RABL3: variants seen among roughly 807,000 people sequenced by gnomAD.
RABL3 encodes the protein RAB, member of RAS oncogene family like 3, also known as rab-like protein 3.
A neutral mutation model predicts 31.8 loss-of-function variants in RABL3; 31 were observed. That is an observed-to-expected ratio of 0.97 (90% CI 0.73 to 1.31). The LOEUF (loss-of-function observed/expected upper bound fraction) is 1.31. RABL3 is among the 40% of genes most tolerant of loss of function. The pLI, the probability that RABL3 is intolerant of heterozygous loss-of-function variation, is 0.00. For synonymous variants in RABL3, 97 were observed against 99.9 expected, an observed-to-expected ratio of 0.97 and a Z score of 0.18; for missense variants, 263 against 279.6, an observed-to-expected ratio of 0.94 and a Z score of 0.42.
At chr3:120,724,665 T>G (rs1360146409) in intron 2 of RABL3, among the ~76,000 whole-genome samples, 4 of 152,178 alleles carry the variant, frequency 2.6e-5, no homozygotes, top group African/African-American at 7.2e-5. Context: ...CAACATCTGA[T>G]CTTTGACAAA....
At chr3:120,720,251 A>C (rs1171931876) in intron 2 of RABL3, among the ~76,000 whole-genome samples, 2 of 152,226 alleles carry the variant, frequency 1.3e-5, no homozygotes, top group African/African-American at 4.8e-5. Flanking sequence ...AGAGCAGAAA[A>C]GCTGAAAATT....
rs114690499 is a variant in RABL3 at position 120,711,574 on chromosome 3, A to G, written c.139-1665T>C. Among the ~76,000 whole-genome samples, 142 of 152,100 alleles carry G rather than the reference A, an allele frequency of 9.3e-4. 2 individuals carry two copies. The highest frequency in any genetic ancestry group is 3.3e-3 in the African/African-American group (135 of 41,516). ...ACGCTCTTTTGCTCAAAACCCTCCA[A>G]TGACTTTCTCACTCACAGTTATCTC... On this transcript the variant is annotated intron_variant, in intron 2 of 7. Transcript: ENST00000273375.
chr3:120,713,892 C>A (rs1266209642), intron 2 of RABL3, among the ~76,000 whole-genome samples: 1 of 147,426 alleles, frequency 6.8e-6, no homozygotes, highest in Non-Finnish European at 1.5e-5. Context: ...CTCACTGCAA[C>A]CTCCGCCTCC....
Position 120,721,304 on chromosome 3 carries a change from T to C in RABL3, c.138+9392A>G, listed in dbSNP as rs146265120. 6.9e-4 allele frequency among the ~76,000 whole-genome samples: 105 copies of C among 152,242 alleles called. 1 individual carries two copies. The East Asian group carries it at 0.014, about 20-fold the overall frequency. On this transcript the variant is annotated intron_variant, in intron 2 of 7. Transcript: ENST00000273375. ...AACGAGCAAAATAACCAGCTAACAT[T>C]ATAATGACAGGATCAAATTCACACA...
chr3:120,726,921 T>G (rs1437710536), intron 2 of RABL3, among the ~76,000 whole-genome samples: 1 of 151,962 alleles, frequency 6.6e-6, no homozygotes, highest in East Asian at 1.9e-4. Context: ...GTTTGGAAAT[T>G]GAGAAGCATA....
At chr3:120,721,976 G>A (rs1708748020) in intron 2 of RABL3, 1 of 152,124 alleles carries the variant, frequency 6.6e-6, no homozygotes, top group Non-Finnish European at 1.5e-5. Context: ...ATAACAAACT[G>A]TCTCTCAGAC....
intron 3 of RABL3, among the ~76,000 whole-genome samples, chr3:120,707,737 C>T (rs186790083): frequency 2.4e-4 from 37 of 152,102 alleles, no homozygotes; most frequent in Non-Finnish European, 2.4e-4. Flanking sequence ...TTACAAAGGC[C>T]TAAGTTGGCT....
intron 2 of RABL3, chr3:120,710,342 C>A (rs79106162): frequency 0.021 from 3,271 of 153,282 alleles, 55 homozygotes; most frequent in Middle Eastern, 0.054. Flanking sequence ...TTTAAGTGTA[C>A]CTTTGGAGCT....
chr3:120,697,359 T>C (rs570810168), intron 5 of RABL3, among the ~76,000 whole-genome samples: 2 of 152,350 alleles, frequency 1.3e-5, no homozygotes, highest in South Asian at 4.1e-4. Context: ...ACCTGTCTTA[T>C]AGAGTTGATT....
Position 120,687,147 on chromosome 3 carries a change from G to C in RABL3, c.*2676C>G, listed in dbSNP as rs931043398. ...TTCCAGCTAAGTCTTATACACCTAA[G>C]GGACAGAGGAGTAGTCATATATATG... is the stretch of plus-strand genomic sequence containing the variant. On this transcript the variant is annotated 3_prime_UTR_variant, in exon 8 of 8. Transcript: ENST00000273375. 6.6e-6 allele frequency: 1 copy of C among 152,104 alleles called. No homozygotes were observed. The highest frequency in any genetic ancestry group is 1.5e-5 in the Non-Finnish European group (1 of 68,030). The allele number at this position is 152,104 out of a possible 1,614,324, so 9.4% of individuals were successfully genotyped here.
In RABL3 at chr3:120,709,136, T is replaced by A. The variant is rs192684047; in HGVS notation, c.268+644A>T. On this transcript the variant is annotated intron_variant, in intron 3 of 7. Transcript: ENST00000273375. ...AGTAAAAACAGGTTTTAAAAATGAA[T>A]TTTTAAAAAGACTAAGAAAGAAACT... 4.0e-5 allele frequency among the ~76,000 whole-genome samples: 6 copies of A among 150,822 alleles called. No homozygotes were observed. The East Asian group carries it at 1.2e-3, about 30-fold the overall frequency.
chr3:120,689,638 A>G lies in RABL3; in HGVS notation c.*185T>C. ...GACAGAAAGGTAAGGAACACAGAGA[A>G]CAGGGACAAAGTTTGGACCTCCCGT... On this transcript the variant is annotated 3_prime_UTR_variant, in exon 8 of 8. Coordinates refer to ENST00000273375, the MANE Select transcript of RABL3 (RefSeq NM_173825.5). The G allele has an allele frequency of 1.9e-6, 1 of 539,504 alleles. No individual in the cohort carries two copies. The highest frequency in any genetic ancestry group is 3.3e-6 in the Non-Finnish European group (1 of 299,718). The allele number at this position is 539,504 out of a possible 1,614,324, so 33.4% of individuals were successfully genotyped here. A position where few individuals can be genotyped will look rare whatever the true frequency, so the allele number is the denominator to read the frequency against.
At chr3:120,710,016 G>A (rs538668426) in intron 2 of RABL3, 107 bp from the exon 3 acceptor site, 18 of 730,780 alleles carry the variant, frequency 2.5e-5, no homozygotes, top group African/African-American at 8.9e-5. Context: ...CTTTCTGATC[G>A]CTACCTCTTA....
chr3:120,721,334 A>G (rs1004921642), intron 2 of RABL3, among the ~76,000 whole-genome samples: 3 of 152,228 alleles, frequency 2.0e-5, no homozygotes, highest in African/African-American at 7.2e-5. Context: ...CACACATAAC[A>G]ATATTAACCT....
rs1227314400 is a variant in RABL3 at position 120,706,035 on chromosome 3, C to A, written c.348G>T (p.Arg116Ser). ...LRRWSLEALN[R>S]DLVPTGVLVT... ...CCAAGACTCCAGTTGGCACCAAATCCCTGTTGAGAGCTTCCAATGACCAAC... is the reference window on the plus strand; with the variant it reads ...CCAAGACTCCAGTTGGCACCAAATCACTGTTGAGAGCTTCCAATGACCAAC... The change falls in exon 4 of 8, where the codon AGG becomes AGT. Residue 116 changes from arginine (R) to serine (S), a missense_variant. Transcript: ENST00000273375. 6.2e-7 allele frequency: 1 copy of A among 1,613,752 alleles called. No individual in the cohort carries two copies. The highest frequency in any genetic ancestry group is 8.5e-7 in the Non-Finnish European group (1 of 1,179,726).
chr3:120,697,698 G>A (rs1483195119), intron 5 of RABL3, among the ~76,000 whole-genome samples: 1 of 152,152 alleles, frequency 6.6e-6, no homozygotes, highest in Non-Finnish European at 1.5e-5. Flanking sequence ...TCCTTATGAA[G>A]CACTCCTAGT....
intron 2 of RABL3, among the ~76,000 whole-genome samples, chr3:120,712,915 T>C (rs1708628090): frequency 1.3e-5 from 2 of 152,116 alleles, no homozygotes; most frequent in African/African-American, 2.4e-5. Context: ...AAAATACAGA[T>C]TCCTGGACTG....
intron 2 of RABL3, 91 bp from the exon 3 acceptor site, chr3:120,710,000 C>G: frequency 1.1e-6 from 1 of 896,516 alleles, no homozygotes; most frequent in South Asian, 1.8e-5. Flanking sequence ...CAGCATCTTA[C>G]TCTGACTTTC....
intron 1 of RABL3, among the ~76,000 whole-genome samples, chr3:120,740,786 A>G (rs185341695): frequency 8.2e-4 from 125 of 152,342 alleles, no homozygotes; most frequent in African/African-American, 2.9e-3. Context: ...AAAGGTTAAC[A>G]TTAGTGAATG....
Sources: gnomAD v4.1 joint callset for allele counts (sites outside exome capture counted in the v4.1 genomes callset) on GRCh38, gnomAD v4.1.1 for gene constraint, MANE v1.5 for transcripts, NCBI Gene and HGNC (gene_info 2026-07-23, HGNC 2026-07-21) for gene names.